SCARA5: variants seen among roughly 807,000 people sequenced by gnomAD.
The protein encoded by SCARA5 is scavenger receptor class A, member 5 (putative).
Under a neutral mutation model 46.3 loss-of-function variants are expected in SCARA5, and 45 were observed. That is an observed-to-expected ratio of 0.97 (90% CI 0.76 to 1.24). The LOEUF (loss-of-function observed/expected upper bound fraction) is 1.24, where lower values mean the gene tolerates loss of function less well. SCARA5 is among the 50% of genes most tolerant of loss of function. The pLI, the probability that SCARA5 is intolerant of heterozygous loss-of-function variation, is 0.00. For missense variants in SCARA5, 680 were observed against 689.0 expected (o/e 0.99, Z 0.15); for synonymous variants, 333 against 306.5 (o/e 1.09, Z -0.90).
chr8:27,880,250 G>A (rs4430050), intron 7 of SCARA5, among the ~76,000 whole-genome samples: 132,807 of 152,202 alleles, frequency 0.87, 57,983 homozygotes, highest in Admixed American at 0.89. Flanking sequence ...TAAGAATCCT[G>A]GAAGAAAACC....
chr8:27,892,943 T>C (rs1406524816), intron 7 of SCARA5, among the ~76,000 whole-genome samples: 1 of 152,142 alleles, frequency 6.6e-6, no homozygotes, highest in Non-Finnish European at 1.5e-5. Flanking sequence ...TGGTGGCGGC[T>C]GGGAGCAACA....
At chr8:27,915,726 G>A (rs1807450725) in intron 4 of SCARA5, among the ~76,000 whole-genome samples, 1 of 152,208 alleles carries the variant, frequency 6.6e-6, no homozygotes, top group African/African-American at 2.4e-5. Flanking sequence ...TCCCAGCCAG[G>A]TCACTGGATG....
At chr8:27,891,941 A>G (rs1056998261) in intron 7 of SCARA5, among the ~76,000 whole-genome samples, 1 of 152,210 alleles carries the variant, frequency 6.6e-6, no homozygotes, top group Non-Finnish European at 1.5e-5. Context: ...TAGACGTCAG[A>G]TGTGGTTAGA....
chr8:27,968,388 T>A lies in SCARA5; in HGVS notation c.113-1846A>T, dbSNP rs535409220. ...GCAAGTTTTGAAGAGTTGAGCTGAT[T>A]TTCCGCTAAGACAAAATAGAGCACA... On this transcript the variant is annotated intron_variant, in intron 2 of 8. Transcript: ENST00000354914. 2.6e-5 allele frequency among the ~76,000 whole-genome samples: 4 copies of A among 152,340 alleles called. No homozygotes were observed. In the East Asian group the frequency reaches 7.7e-4, roughly 29 times the overall value.
At chr8:27,943,521 T>G (rs1337942541) in intron 3 of SCARA5, among the ~76,000 whole-genome samples, 3 of 152,266 alleles carry the variant, frequency 2.0e-5, no homozygotes, top group Non-Finnish European at 4.4e-5. Flanking sequence ...CTGATAAATG[T>G]TTAACAACTG....
intron 3 of SCARA5, among the ~76,000 whole-genome samples, chr8:27,959,488 T>C (rs1281118651): frequency 6.6e-6 from 1 of 152,078 alleles, no homozygotes; most frequent in Non-Finnish European, 1.5e-5. Flanking sequence ...CAAGGTGCGG[T>C]GCCCTATCAT....
At chr8:27,930,227 C>G (rs574415593) in intron 3 of SCARA5, among the ~76,000 whole-genome samples, 10 of 152,188 alleles carry the variant, frequency 6.6e-5, no homozygotes, top group African/African-American at 2.2e-4. Context: ...TCATGGGGAA[C>G]GGTCTTTCTC....
intron 2 of SCARA5, among the ~76,000 whole-genome samples, chr8:27,978,414 A>T (rs1368301876): frequency 6.6e-6 from 1 of 151,974 alleles, no homozygotes; most frequent in African/African-American, 2.4e-5. Context: ...TTTCTAGTGG[A>T]TTCTGCTGCT....
chr8:27,957,176 G>T (rs886463345), intron 3 of SCARA5, among the ~76,000 whole-genome samples: 3 of 152,150 alleles, frequency 2.0e-5, no homozygotes, highest in East Asian at 1.9e-4. Flanking sequence ...AAATAGAAAA[G>T]CTCCTTTTCT....
At chr8:27,948,497 C>T (rs774616962) in intron 3 of SCARA5, among the ~76,000 whole-genome samples, 11 of 152,256 alleles carry the variant, frequency 7.2e-5, no homozygotes, top group Non-Finnish European at 1.3e-4. Context: ...GGGGCTGGGC[C>T]GTTCCACCGG....
At chr8:27,932,011 C>T (rs1046503133) in intron 3 of SCARA5, among the ~76,000 whole-genome samples, 13 of 151,980 alleles carry the variant, frequency 8.6e-5, no homozygotes, top group Non-Finnish European at 1.8e-4. Context: ...TGGACTCTCA[C>T]TCTGTCACCC....
intron 3 of SCARA5, among the ~76,000 whole-genome samples, chr8:27,925,192 C>A (rs1025324097): frequency 6.6e-6 from 1 of 152,132 alleles, no homozygotes; most frequent in Non-Finnish European, 1.5e-5. Flanking sequence ...CAATCCTAAG[C>A]AAAAAGAACA....
intron 7 of SCARA5, among the ~76,000 whole-genome samples, chr8:27,894,024 G>A (rs1807024475): frequency 6.6e-6 from 1 of 152,196 alleles, no homozygotes; most frequent in Admixed American, 6.5e-5. Context: ...CGACAACACA[G>A]CCAAGTTCTG....
rs148420420 is a variant in SCARA5, at chr8:27,921,710, C to T, written c.777G>A (p.Thr259=). 1.5e-4 allele frequency: 241 copies of T among 1,599,540 alleles called. No homozygotes were observed. The highest frequency in any genetic ancestry group is 2.5e-4 in the South Asian group (22 of 88,520). ...RVLVSNASED[T]RRLRLAHVGM... is the part of the protein sequence containing the mutation. Reference sequence around the variant, plus strand: ...CTACGTGCGCCAGGCGCAGGCGGCGCGTGTCCTCGCTGGCGTTGCTCACCA... The same window carrying T: ...CTACGTGCGCCAGGCGCAGGCGGCGTGTGTCCTCGCTGGCGTTGCTCACCA... Residue 259 remains threonine (T), a synonymous_variant, in exon 4 of 9, where the codon ACG becomes ACA. Coordinates refer to ENST00000354914, the MANE Select transcript of SCARA5 (RefSeq NM_173833.6).
At position 27,871,611 on chromosome 8, in the gene SCARA5, G is replaced by C; in HGVS notation, c.*323C>G. 1.7e-6 allele frequency: 2 copies of C among 1,199,632 alleles called. No individual in the cohort carries two copies. The highest frequency in any genetic ancestry group is 2.1e-6 in the Non-Finnish European group (2 of 958,892). The allele number at this position is 1,199,632 out of a possible 1,614,324, so 74.3% of individuals were successfully genotyped here. A position where few individuals can be genotyped will look rare whatever the true frequency, so the allele number is the denominator to read the frequency against. ...CTCAGCATTCACCTGTAACTAAAAGGCCAAAGGGAACTGGGATATTGAGGC... is the reference window on the plus strand; with the variant it reads ...CTCAGCATTCACCTGTAACTAAAAGCCCAAAGGGAACTGGGATATTGAGGC... On this transcript the variant is annotated 3_prime_UTR_variant, in exon 9 of 9. Coordinates refer to ENST00000354914, the MANE Select transcript of SCARA5 (RefSeq NM_173833.6).
intron 4 of SCARA5, 90 bp from the exon 5 acceptor site, chr8:27,909,833 AG>A: frequency 7.6e-6 from 6 of 786,024 alleles, no homozygotes; most frequent in African/African-American, 1.8e-5. Context: ...GCCCTCTCTG[AG>A]GAGAGGAAGG....
At chr8:27,884,095 CGACCCCAACCCCAGGAAT>C (rs1806853957) in intron 7 of SCARA5, among the ~76,000 whole-genome samples, 1 of 152,138 alleles carries the variant, frequency 6.6e-6, no homozygotes, top group Admixed American at 6.5e-5. Flanking sequence ...CACCAGGAAG[CGACCCCAACCCCAGGAAT>C]GATGCTAAAG....
In SCARA5 at chr8:27,987,650, G is replaced by A. The variant is rs754381444; in HGVS notation, c.-15-20C>T. On this transcript the variant is annotated intron_variant, in intron 1 of 8. Transcript: ENST00000354914. ...CAACAGCTGCAGAGAAGGCAAGAGG[G>A]GAGGAGAGGGAGGACGAAGGCCGGG... The A allele has an allele frequency of 1.5e-5, 21 of 1,397,050 alleles. No individual in the cohort carries two copies. The highest frequency in any genetic ancestry group is 3.3e-5 in the Admixed American group (2 of 59,726). 86.5% of individuals were successfully genotyped at this position (1,397,050 alleles called of 1,614,324 possible).
At chr8:27,897,471 C>A (rs144905532) in intron 7 of SCARA5, among the ~76,000 whole-genome samples, 4 of 152,386 alleles carry the variant, frequency 2.6e-5, no homozygotes. Flanking sequence ...AAGATCCCAG[C>A]GTCATTTCTT....
Sources: gnomAD v4.1 joint callset for allele counts (sites outside exome capture counted in the v4.1 genomes callset) on GRCh38, gnomAD v4.1.1 for gene constraint, MANE v1.5 for transcripts, NCBI Gene and HGNC (gene_info 2026-07-23, HGNC 2026-07-21) for gene names.